FBXL17: variants seen among roughly 807,000 people sequenced by gnomAD.
FBXL17 encodes the protein F-box and leucine rich repeat protein 17, also known as F-box/LRR-repeat protein 17.
A neutral mutation model predicts 66.2 loss-of-function variants in FBXL17; 22 were observed. That is an observed-to-expected ratio of 0.33 (90% CI 0.24 to 0.47). The LOEUF (loss-of-function observed/expected upper bound fraction) is 0.47, where lower values mean the gene tolerates loss of function less well. FBXL17 is among the 20% of genes least tolerant of loss of function. FBXL17 has a pLI of 1.00. For missense variants in FBXL17, 878 were observed against 948.2 expected (o/e 0.93, Z 0.97); for synonymous variants, 474 against 400.5 (o/e 1.18, Z -2.19).
chr5:107,950,762 T>G (rs1751473669), intron 7 of FBXL17, among the ~76,000 whole-genome samples: 1 of 152,186 alleles, frequency 6.6e-6, no homozygotes, highest in African/African-American at 2.4e-5. Context: ...TCAAAATAGG[T>G]AATTGAAAGT....
At chr5:108,307,331 G>T (rs552335786) in intron 4 of FBXL17, among the ~76,000 whole-genome samples, 1 of 152,024 alleles carries the variant, frequency 6.6e-6, no homozygotes, top group Admixed American at 6.6e-5. Flanking sequence ...TTGAGACAGG[G>T]TCTCACTCCG....
chr5:108,229,488 T>C (rs1755235468), intron 4 of FBXL17, among the ~76,000 whole-genome samples: 1 of 152,118 alleles, frequency 6.6e-6, no homozygotes, highest in South Asian at 2.1e-4. Context: ...GTTCAACAAA[T>C]GGTGCTGGGA....
intron 5 of FBXL17, among the ~76,000 whole-genome samples, chr5:108,222,139 T>C (rs576107011): frequency 6.6e-6 from 1 of 152,350 alleles, no homozygotes; most frequent in Non-Finnish European, 1.5e-5. Flanking sequence ...AGCTGTGTTT[T>C]ATCACAGAGA....
chr5:108,085,956 G>T (rs563030946), intron 6 of FBXL17, among the ~76,000 whole-genome samples: 2 of 152,174 alleles, frequency 1.3e-5, no homozygotes, highest in East Asian at 1.9e-4. Context: ...AAGAACATTG[G>T]AAGAGCCTTA....
At chr5:108,299,943 T>C in intron 4 of FBXL17, 1 of 422,530 alleles carries the variant, frequency 2.4e-6, no homozygotes, top group Non-Finnish European at 3.2e-6. Flanking sequence ...GATCCTACAT[T>C]TAAATGCTTC....
At chr5:108,317,094 A>C (rs753876904) in intron 4 of FBXL17, among the ~76,000 whole-genome samples, 5 of 151,264 alleles carry the variant, frequency 3.3e-5, no homozygotes, top group Non-Finnish European at 5.9e-5. Flanking sequence ...CCCAACAGGT[A>C]CTAATTAAGG....
At chr5:107,866,256 T>G (rs543756860) in intron 8 of FBXL17, among the ~76,000 whole-genome samples, 1 of 152,108 alleles carries the variant, frequency 6.6e-6, no homozygotes, top group Non-Finnish European at 1.5e-5. Context: ...TTACTGTGAT[T>G]AAAGGGGGAA....
At chr5:108,137,392 G>A (rs1751177732) in intron 6 of FBXL17, among the ~76,000 whole-genome samples, 1 of 152,026 alleles carries the variant, frequency 6.6e-6, no homozygotes, top group South Asian at 2.1e-4. Context: ...CCTGATCTCT[G>A]CCTCTACGTC....
intron 7 of FBXL17, among the ~76,000 whole-genome samples, chr5:107,902,498 A>G (rs1749602186): frequency 6.6e-6 from 1 of 152,140 alleles, no homozygotes; most frequent in Non-Finnish European, 1.5e-5. Flanking sequence ...TTATTATCCT[A>G]CCACAGCATT....
At chr5:108,054,253 A>C (rs1747598804) in intron 6 of FBXL17, among the ~76,000 whole-genome samples, 1 of 152,186 alleles carries the variant, frequency 6.6e-6, no homozygotes. Context: ...AATTAAAAAA[A>C]AAAAAAAGTC....
intron 6 of FBXL17, among the ~76,000 whole-genome samples, chr5:108,051,028 C>T (rs1026338937): frequency 1.3e-5 from 2 of 152,136 alleles, no homozygotes; most frequent in African/African-American, 2.4e-5. Flanking sequence ...CTTCCAAAGA[C>T]TAAACCAAGA....
chr5:107,878,883 G>T, intron 8 of FBXL17: 1 of 985,484 alleles, frequency 1.0e-6, no homozygotes, highest in Non-Finnish European at 1.2e-6. Context: ...ACTGCAGCAG[G>T]CTCTGACCAG....
chr5:108,090,014 G>A (rs576975677), intron 6 of FBXL17, among the ~76,000 whole-genome samples: 4 of 152,158 alleles, frequency 2.6e-5, no homozygotes, highest in Admixed American at 1.3e-4. Flanking sequence ...TTTTTGTAGA[G>A]ATGGGGTTTA....
At chr5:107,915,453 G>C (rs1750097109) in intron 7 of FBXL17, among the ~76,000 whole-genome samples, 1 of 152,180 alleles carries the variant, frequency 6.6e-6, no homozygotes, top group African/African-American at 2.4e-5. Flanking sequence ...TAAGGGCTGG[G>C]ATAGGGGACT....
In FBXL17 at chr5:107,861,775, A is replaced by G. The variant is rs1748130326; in HGVS notation, c.2051T>C (p.Leu684Ser). 6.3e-7 allele frequency: 1 copy of G among 1,588,802 alleles called. No individual in the cohort carries two copies. The highest frequency in any genetic ancestry group is 1.4e-5 in the African/African-American group (1 of 74,012). ...CCAGCCCATCTGATAGGCTCTCTCCAAGGTCCTCTTGCAGTCCTGCAGGAC... is the reference window on the plus strand; with the variant it reads ...CCAGCCCATCTGATAGGCTCTCTCCGAGGTCCTCTTGCAGTCCTGCAGGAC... Reference protein sequence around the residue: ...STVLQDCKRTLERAYQMGWTP... With the variant: ...STVLQDCKRTSERAYQMGWTP... The change falls in exon 9 of 9, where the codon TTG becomes TCG. Residue 684 changes from leucine (L) to serine (S), a missense_variant. By Grantham distance (145) the Leu-to-Ser change is moderately radical. Transcript: ENST00000542267.
chr5:107,931,071 G>T (rs1421879344), intron 7 of FBXL17, among the ~76,000 whole-genome samples: 2 of 152,076 alleles, frequency 1.3e-5, no homozygotes, highest in African/African-American at 4.8e-5. Context: ...GCAGTCGGTT[G>T]AATTGAGCAG....
intron 4 of FBXL17, among the ~76,000 whole-genome samples, chr5:108,257,568 G>T (rs1299604108): frequency 1.3e-5 from 2 of 152,034 alleles, no homozygotes; most frequent in African/African-American, 4.8e-5. Flanking sequence ...TTTATCAGGT[G>T]CTATCTCATG....
chr5:108,288,788 T>C (rs996665534), intron 4 of FBXL17, among the ~76,000 whole-genome samples: 2 of 152,022 alleles, frequency 1.3e-5, no homozygotes, highest in African/African-American at 4.8e-5. Context: ...AACAGCTGTC[T>C]CTGTGGAGAA....
At chr5:107,884,598 A>C (rs527844645) in intron 7 of FBXL17, among the ~76,000 whole-genome samples, 50 of 152,180 alleles carry the variant, frequency 3.3e-4, no homozygotes, top group Non-Finnish European at 6.6e-4. Flanking sequence ...CCTCTCTTTG[A>C]CTATATCATG....
Sources: allele counts gnomAD v4.1 joint callset (sites outside exome capture counted in the v4.1 genomes callset), GRCh38; gene constraint gnomAD v4.1.1; transcripts MANE v1.5; gene names NCBI Gene and HGNC (gene_info 2026-07-23, HGNC 2026-07-21).